Variants in CDC73 observed in about 807,000 individuals in gnomAD.
The protein encoded by CDC73 is cell division cycle 73, also known as parafibromin.
Under a neutral mutation model 83.7 loss-of-function variants are expected in CDC73, and 21 were observed. The ratio of observed to expected loss-of-function variants is 0.25; its 90% CI spans 0.18 to 0.36. The LOEUF (loss-of-function observed/expected upper bound fraction) is 0.36, where lower values mean the gene tolerates loss of function less well. Ranked by LOEUF, CDC73 falls within the 10% of genes least tolerant of loss-of-function variation. The pLI, the probability that CDC73 is intolerant of heterozygous loss-of-function variation, is 1.00. For synonymous variants in CDC73, 224 were observed against 212.9 expected, an observed-to-expected ratio of 1.05 and a Z score of -0.45; for missense variants, 342 against 653.3, an observed-to-expected ratio of 0.52 and a Z score of 5.19.
chr1:193,153,116 A>G (rs79126398), intron 10 of CDC73, among the ~76,000 whole-genome samples: 4,287 of 152,278 alleles, frequency 0.028, 109 homozygotes, highest in Admixed American at 0.05. Flanking sequence ...GATGGATTAT[A>G]GTGATTATAA....
intron 11 of CDC73, among the ~76,000 whole-genome samples, chr1:193,206,016 A>G (rs1224579896): frequency 6.6e-6 from 1 of 152,164 alleles, no homozygotes; most frequent in Non-Finnish European, 1.5e-5. Flanking sequence ...GTAACTTAGT[A>G]TCTGTGATGT....
At chr1:193,165,428 A>C (rs1317107472) in intron 10 of CDC73, among the ~76,000 whole-genome samples, 2 of 152,208 alleles carry the variant, frequency 1.3e-5, no homozygotes, top group Non-Finnish European at 2.9e-5. Context: ...TATAAAGAAG[A>C]CTTTATGTAT....
chr1:193,206,413 T>A (rs899484113), intron 11 of CDC73, among the ~76,000 whole-genome samples: 1 of 152,286 alleles, frequency 6.6e-6, no homozygotes, highest in East Asian at 1.9e-4. Flanking sequence ...CTAAAATAAT[T>A]AAGGTTTTTG....
At chr1:193,168,915 G>A (rs1278572860) in intron 10 of CDC73, among the ~76,000 whole-genome samples, 1 of 152,064 alleles carries the variant, frequency 6.6e-6, no homozygotes, top group Non-Finnish European at 1.5e-5. Context: ...GCTACAATTT[G>A]AATTTCGTGT....
chr1:193,145,123 T>C (rs1675974255), intron 7 of CDC73, among the ~76,000 whole-genome samples: 1 of 152,342 alleles, frequency 6.6e-6, no homozygotes, highest in African/African-American at 2.4e-5. Flanking sequence ...ATTCAGTGAT[T>C]GATATTTTCC....
intron 11 of CDC73, among the ~76,000 whole-genome samples, chr1:193,210,094 G>T (rs1677251674): frequency 6.6e-6 from 1 of 151,834 alleles, no homozygotes; most frequent in African/African-American, 2.4e-5. Context: ...GAAAATTCTA[G>T]TATTTTTTCT....
intron 10 of CDC73, among the ~76,000 whole-genome samples, chr1:193,188,585 A>G (rs1676863868): frequency 1.3e-5 from 2 of 152,202 alleles, no homozygotes; most frequent in South Asian, 2.1e-4. Context: ...GGCATAGCTT[A>G]TTAAGTATAG....
intron 7 of CDC73, 130 bp downstream of exon 7, chr1:193,142,196 C>T (rs1056080071): frequency 5.1e-5 from 39 of 761,822 alleles, no homozygotes; most frequent in Admixed American, 1.4e-4. Flanking sequence ...TTTGAAAGCT[C>T]AGTAATAATG....
At chr1:193,222,184 G>A (rs552470755) in intron 13 of CDC73, among the ~76,000 whole-genome samples, 6 of 152,232 alleles carry the variant, frequency 3.9e-5, no homozygotes, top group South Asian at 2.1e-4. Flanking sequence ...TAAAATAAAC[G>A]ATTGGGTGTA....
At chr1:193,187,928 C>A (rs1676847737) in intron 10 of CDC73, among the ~76,000 whole-genome samples, 1 of 152,156 alleles carries the variant, frequency 6.6e-6, no homozygotes, top group African/African-American at 2.4e-5. Context: ...ACCCAACTTC[C>A]TTGTAGTCTA....
chr1:193,195,382 AT>A (rs1306671257), intron 10 of CDC73, among the ~76,000 whole-genome samples: 1 of 152,028 alleles, frequency 6.6e-6, no homozygotes, highest in Admixed American at 6.6e-5. Flanking sequence ...TATATATATA[AT>A]TTATCTGTTC....
At chr1:193,153,633 T>G (rs1676159118) in intron 10 of CDC73, among the ~76,000 whole-genome samples, 1 of 152,218 alleles carries the variant, frequency 6.6e-6, no homozygotes, top group Non-Finnish European at 1.5e-5. Flanking sequence ...TTAAGTTTGT[T>G]TTTTTCTGGA....
At chr1:193,194,909 G>A (rs944242373) in intron 10 of CDC73, among the ~76,000 whole-genome samples, 1 of 151,922 alleles carries the variant, frequency 6.6e-6, no homozygotes, top group Non-Finnish European at 1.5e-5. Flanking sequence ...TTTATAATTT[G>A]TGAAATAAAT....
chr1:193,165,748 T>A (rs557752453), intron 10 of CDC73, among the ~76,000 whole-genome samples: 1 of 152,326 alleles, frequency 6.6e-6, no homozygotes, highest in South Asian at 2.1e-4. Flanking sequence ...TATCTCTCTC[T>A]CCCTCCCACA....
intron 13 of CDC73, among the ~76,000 whole-genome samples, chr1:193,229,147 A>G (rs958573596): frequency 5.3e-5 from 8 of 152,238 alleles, no homozygotes; most frequent in Admixed American, 2.0e-4. Flanking sequence ...AAATGGTTCA[A>G]CTGCTTTGGA....
intron 10 of CDC73, among the ~76,000 whole-genome samples, chr1:193,157,649 G>C (rs1035876220): frequency 6.6e-6 from 1 of 152,102 alleles, no homozygotes; most frequent in Non-Finnish European, 1.5e-5. Context: ...TCATTACTCT[G>C]TTATCTTTTA....
At chr1:193,174,098 C>T (rs191570172) in intron 10 of CDC73, among the ~76,000 whole-genome samples, 4 of 151,300 alleles carry the variant, frequency 2.6e-5, no homozygotes, top group African/African-American at 9.7e-5. Context: ...ATCCACAATT[C>T]CATGCTCTAA....
intron 10 of CDC73, among the ~76,000 whole-genome samples, chr1:193,177,067 C>T (rs1033208734): frequency 5.9e-5 from 9 of 151,950 alleles, no homozygotes; most frequent in Middle Eastern, 3.2e-3. Flanking sequence ...ATATCAGGTG[C>T]CCCTCCAGTG....
At chr1:193,244,833 C>T (rs1404277054) in intron 15 of CDC73, among the ~76,000 whole-genome samples, 1 of 152,128 alleles carries the variant, frequency 6.6e-6, no homozygotes, top group African/African-American at 2.4e-5. Context: ...TCCTCAGTAG[C>T]ATTTATACTA....
Sources: gnomAD v4.1 joint callset for allele counts (sites outside exome capture counted in the v4.1 genomes callset) on GRCh38, gnomAD v4.1.1 for gene constraint, MANE v1.5 for transcripts, NCBI Gene and HGNC (gene_info 2026-07-23, HGNC 2026-07-21) for gene names.